The following KCNMA1 variants were observed in gnomAD, a reference collection of about 807,000 sequenced individuals.
KCNMA1 encodes Calcium-activated potassium channel subunit alpha-1.
KCNMA1 carries 29 observed loss-of-function variants against 140.0 expected under a neutral mutation model. That is an observed-to-expected ratio of 0.21 (90% CI 0.15 to 0.28). The LOEUF (loss-of-function observed/expected upper bound fraction) is 0.28. KCNMA1 is among the 10% of genes least tolerant of loss of function. KCNMA1 has a pLI of 1.00. For missense variants in KCNMA1, 880 were observed against 1,602.2 expected (o/e 0.55, Z 7.70); for synonymous variants, 612 against 611.9 (o/e 1.00, Z 0.00).
intron 2 of KCNMA1, among the ~76,000 whole-genome samples, chr10:77,326,332 G>A (rs1052032565): frequency 3.3e-5 from 5 of 152,114 alleles, no homozygotes; most frequent in Non-Finnish European, 5.9e-5. Context: ...CATCCCCCAC[G>A]TGGAACTTCA....
intron 2 of KCNMA1, among the ~76,000 whole-genome samples, chr10:77,393,153 A>C (rs906711503): frequency 6.6e-6 from 1 of 152,234 alleles, no homozygotes; most frequent in Non-Finnish European, 1.5e-5. Context: ...GCACAGAGCA[A>C]ACATCATCAT....
At chr10:77,337,567 C>T (rs1157229028) in intron 2 of KCNMA1, among the ~76,000 whole-genome samples, 3 of 152,174 alleles carry the variant, frequency 2.0e-5, no homozygotes, top group African/African-American at 7.2e-5. Context: ...TTGTAGTGAG[C>T]CAAGATTGCA....
At chr10:77,359,244 T>C (rs1269249330) in intron 2 of KCNMA1, among the ~76,000 whole-genome samples, 1 of 152,094 alleles carries the variant, frequency 6.6e-6, no homozygotes, top group Non-Finnish European at 1.5e-5. Flanking sequence ...TGTGGAAGCA[T>C]GTGTTGGCGG....
chr10:77,259,162 A>G (rs1325893883), intron 2 of KCNMA1, among the ~76,000 whole-genome samples: 3 of 152,190 alleles, frequency 2.0e-5, no homozygotes, highest in Non-Finnish European at 4.4e-5. Context: ...TTCACTGGAA[A>G]CCAAGACTCC....
chr10:77,265,349 G>T (rs1252553731), intron 2 of KCNMA1, among the ~76,000 whole-genome samples: 1 of 152,226 alleles, frequency 6.6e-6, no homozygotes, highest in Non-Finnish European at 1.5e-5. Context: ...ACTGCACCCT[G>T]CCAGAATGTG....
intron 1 of KCNMA1, among the ~76,000 whole-genome samples, chr10:77,443,052 T>C (rs1028306495): frequency 6.6e-6 from 1 of 152,176 alleles, no homozygotes; most frequent in African/African-American, 2.4e-5. Context: ...CAGGATACCA[T>C]GGTGACACCC....
intron 2 of KCNMA1, among the ~76,000 whole-genome samples, chr10:77,382,886 ATATATAT>A (rs1369544062): frequency 1.8e-5 from 1 of 55,150 alleles, no homozygotes; most frequent in Non-Finnish European, 3.2e-5. Context: ...AAAAAAAAAA[ATATATAT>A]ATATATATAT....
chr10:77,135,650 T>C (rs1451458703), intron 5 of KCNMA1, among the ~76,000 whole-genome samples: 4 of 152,214 alleles, frequency 2.6e-5, no homozygotes, highest in South Asian at 2.1e-4. Flanking sequence ...CAATGGCATA[T>C]TATTCAGCCA....
intron 3 of KCNMA1, among the ~76,000 whole-genome samples, chr10:77,229,677 G>C (rs1418945844): frequency 6.6e-6 from 1 of 152,156 alleles, no homozygotes; most frequent in Non-Finnish European, 1.5e-5. Flanking sequence ...ACATTGTGCT[G>C]CTGGCCATCC....
Position 76,962,371 on chromosome 10 carries a change from CT to C in KCNMA1, c.2360+7602del, listed in dbSNP as rs1332385552. ...CTCATGTCTTATCACACGATAAGGCCTTTTCTGTCATTATGAGCATCCCATC... is the reference window on the plus strand; with the variant it reads ...CTCATGTCTTATCACACGATAAGGCCTTTCTGTCATTATGAGCATCCCATC... On this transcript the variant is annotated intron_variant, in intron 20 of 27. Transcript: ENST00000286628. 2.6e-5 allele frequency among the ~76,000 whole-genome samples: 4 copies of C among 152,120 alleles called. No individual in the cohort carries two copies. The East Asian group carries it at 7.7e-4, about 29-fold the overall frequency.
intron 5 of KCNMA1, among the ~76,000 whole-genome samples, chr10:77,172,297 T>G (rs1323751602): frequency 6.6e-6 from 1 of 152,216 alleles, no homozygotes; most frequent in Non-Finnish European, 1.5e-5. Context: ...AACCTACTGC[T>G]GAATTCGTTC....
chr10:76,989,487 A>T (rs2082168770), intron 19 of KCNMA1, among the ~76,000 whole-genome samples: 1 of 152,188 alleles, frequency 6.6e-6, no homozygotes, highest in African/African-American at 2.4e-5. Context: ...GAAGGAAGAT[A>T]ATCAGAGTCT....
At chr10:77,590,277 G>A (rs1343681380) in intron 1 of KCNMA1, among the ~76,000 whole-genome samples, 3 of 152,354 alleles carry the variant, frequency 2.0e-5, no homozygotes, top group South Asian at 2.1e-4. Context: ...CGCGCCGTGC[G>A]CCCGCACTCC....
At chr10:77,103,417 T>A (rs935679299) in intron 9 of KCNMA1, among the ~76,000 whole-genome samples, 4 of 152,216 alleles carry the variant, frequency 2.6e-5, no homozygotes, top group African/African-American at 4.8e-5. Flanking sequence ...TGCCTTTCAC[T>A]GATAAGGAAG....
intron 1 of KCNMA1, among the ~76,000 whole-genome samples, chr10:77,550,405 A>T (rs2154556817): frequency 6.6e-6 from 1 of 152,158 alleles, no homozygotes; most frequent in African/African-American, 2.4e-5. Context: ...AAGCAACTGG[A>T]AGTCCCAGGG....
intron 1 of KCNMA1, among the ~76,000 whole-genome samples, chr10:77,592,640 G>T (rs780698643): frequency 2.6e-5 from 4 of 152,200 alleles, no homozygotes; most frequent in Non-Finnish European, 4.4e-5. Flanking sequence ...ATGACATTTG[G>T]GCAAGACCCA....
At chr10:77,563,067 A>AT (rs2154559230) in intron 1 of KCNMA1, among the ~76,000 whole-genome samples, 1 of 151,866 alleles carries the variant, frequency 6.6e-6, no homozygotes, top group East Asian at 1.9e-4. Flanking sequence ...TTGAGCAAAA[A>AT]AAAAAAAGTT....
chr10:77,632,211 A>G (rs574716702), intron 1 of KCNMA1, among the ~76,000 whole-genome samples: 86 of 152,084 alleles, frequency 5.7e-4, no homozygotes, highest in Middle Eastern at 3.4e-3. Flanking sequence ...ATTTTTTTTC[A>G]CAAGGTAATT....
intron 10 of KCNMA1, among the ~76,000 whole-genome samples, chr10:77,087,622 A>AT (rs1379067605): frequency 2.0e-5 from 3 of 152,184 alleles, no homozygotes; most frequent in African/African-American, 7.2e-5. Flanking sequence ...ATTCACACAC[A>AT]TGTATGCGAC....
Sources: gnomAD v4.1 joint callset for allele counts (sites outside exome capture counted in the v4.1 genomes callset) on GRCh38, gnomAD v4.1.1 for gene constraint, MANE v1.5 for transcripts, NCBI Gene and HGNC (gene_info 2026-07-23, HGNC 2026-07-21) for gene names.